CBR4: variants seen among roughly 807,000 people sequenced by gnomAD.
The protein encoded by CBR4 is carbonyl reductase 4, also known as 3-oxoacyl-[acyl-carrier-protein] reductase.
Under a neutral mutation model 21.0 loss-of-function variants are expected in CBR4, and 22 were observed. The observed-to-expected ratio is 1.05, with a 90% confidence interval of 0.75 to 1.50. The LOEUF (loss-of-function observed/expected upper bound fraction) is 1.50. CBR4 is among the 40% of genes most tolerant of loss of function. CBR4 has a pLI of 0.00. For synonymous variants in CBR4, 100 were observed against 104.4 expected, an observed-to-expected ratio of 0.96 and a Z score of 0.26; for missense variants, 302 against 286.3, an observed-to-expected ratio of 1.05 and a Z score of -0.40.
rs1163299175 is a variant in CBR4, at chr4:168,988,033, A to C, written c.*2117T>G. ...CAGCTACAGATGAGTCTTCTTGTTA[A>C]GAATTCATTCAATGCTTCTCAGAAT... On this transcript the variant is annotated 3_prime_UTR_variant, in exon 5 of 5. Transcript: ENST00000306193. 2.0e-6 allele frequency: 2 copies of C among 985,308 alleles called. No homozygotes were observed. The highest frequency in any genetic ancestry group is 2.4e-6 in the Non-Finnish European group (2 of 829,878). 61.0% of individuals were successfully genotyped at this position (985,308 alleles called of 1,614,324 possible).
chr4:168,971,890 G>A (rs12639657), intron 2 of CBR4, among the ~76,000 whole-genome samples: 105,341 of 151,484 alleles, frequency 0.7, 38,014 homozygotes, highest in East Asian at 0.96. Flanking sequence ...AGTTTTTCCA[G>A]TGTTATCTTC....
intron 2 of CBR4, chr4:168,924,215 T>G (rs1762142127): frequency 6.4e-7 from 1 of 1,572,182 alleles, no homozygotes; most frequent in East Asian, 2.2e-5. Context: ...GTGCTCCTTT[T>G]GTATATCATT....
chr4:168,914,411 TG>T (rs1020184774), intron 2 of CBR4, among the ~76,000 whole-genome samples: 1 of 152,210 alleles, frequency 6.6e-6, no homozygotes, highest in Non-Finnish European at 1.5e-5. Context: ...CTATTACCAC[TG>T]GGTTTCTTAA....
Position 169,010,123 on chromosome 4 carries a change from G to A in CBR4, c.-34C>T, listed in dbSNP as rs2279038. On this transcript the variant is annotated 5_prime_UTR_variant, in exon 1 of 5. Coordinates refer to ENST00000306193, the MANE Select transcript of CBR4 (RefSeq NM_032783.5). The stretch of plus-strand genomic sequence containing the variant: ...CACAAACTCGGAGGAAAGAGGGTAG[G>A]GAGTGGGAGCCCCTCTCCAGGTTCC... 0.63 allele frequency: 992,829 copies of A among 1,570,892 alleles called. 323,088 individuals carry two copies. Among genetic ancestry groups the A allele is most frequent in the East Asian group, 0.87 (36,371 of 41,580 alleles).
chr4:168,897,870 T>G (rs1337617309), intron 2 of CBR4: 1 of 152,142 alleles, frequency 6.6e-6, no homozygotes, highest in East Asian at 1.9e-4. Flanking sequence ...GTCCTATTTT[T>G]TCTTCTAAAG....
chr4:169,007,827 G>T, intron 1 of CBR4, 71 bp from the exon 2 acceptor site: 2 of 1,155,216 alleles, frequency 1.7e-6, no homozygotes, highest in Non-Finnish European at 2.4e-6. Context: ...CATTTGTTAA[G>T]CATCTATCTA....
At chr4:168,959,491 T>C (rs1305389156) in intron 2 of CBR4, among the ~76,000 whole-genome samples, 1 of 152,108 alleles carries the variant, frequency 6.6e-6, no homozygotes, top group Non-Finnish European at 1.5e-5. Flanking sequence ...TTGTTCACCT[T>C]TTATAAAACT....
In CBR4 at chr4:168,989,961, CAAAAA is replaced by C; in HGVS notation, c.*184_*188del. ...AAAACAACACTGATGTAACTTAGAC[CAAAAA>C]AAAAAAAACCACAATTTGTCACACA... On this transcript the variant is annotated 3_prime_UTR_variant, in exon 5 of 5. Transcript: ENST00000306193. 4 of 1,023,758 alleles carry C rather than the reference CAAAAA, an allele frequency of 3.9e-6. No homozygotes were observed. Among genetic ancestry groups the C allele is most frequent in the Non-Finnish European group, 4.9e-6 (4 of 817,474 alleles). 63.4% of individuals were successfully genotyped at this position (1,023,758 alleles called of 1,614,324 possible).
intron 2 of CBR4, among the ~76,000 whole-genome samples, chr4:168,970,827 G>A (rs1441792836): frequency 8.3e-6 from 1 of 120,054 alleles, no homozygotes; most frequent in Non-Finnish European, 1.8e-5. Context: ...CTGAGTAGTA[G>A]TCCATGATAT....
intron 2 of CBR4, among the ~76,000 whole-genome samples, chr4:168,934,501 G>T (rs1433329528): frequency 6.6e-6 from 1 of 151,896 alleles, no homozygotes; most frequent in East Asian, 1.9e-4. Flanking sequence ...AAAAGGAGCT[G>T]TCACAACTGA....
intron 2 of CBR4, among the ~76,000 whole-genome samples, chr4:168,956,314 A>G (rs187410647): frequency 6.6e-6 from 1 of 152,206 alleles, no homozygotes; most frequent in Non-Finnish European, 1.5e-5. Flanking sequence ...TATCAAGAGT[A>G]AGGGAAATAG....
At chr4:168,954,273 T>G (rs751582458) in intron 2 of CBR4, among the ~76,000 whole-genome samples, 1 of 152,240 alleles carries the variant, frequency 6.6e-6, no homozygotes, top group Non-Finnish European at 1.5e-5. Flanking sequence ...TTCAAAATTC[T>G]GAGGAAAATG....
chr4:169,007,753 T>A lies in CBR4; in HGVS notation c.146A>T (p.Asp49Val). Residue 49 changes from aspartate to valine, a missense_variant, in exon 2 of 5, where the codon GAT (aspartate) becomes GTT (valine). Physicochemically the swap from Asp to Val is radical, Grantham distance 152. Coordinates refer to ENST00000306193, the MANE Select transcript of CBR4 (RefSeq NM_032783.5). Reference protein sequence around the residue: ...AKAAAGDLGGDHLAFSCDVAK... With the variant: ...AKAAAGDLGGVHLAFSCDVAK... ...AACATCACAGCTAAATGCCAAATGA[T>A]CTCCTACACAACAAAGTTAAATAAG... 2.5e-6 allele frequency: 4 copies of A among 1,573,648 alleles called. No individual in the cohort carries two copies. Among genetic ancestry groups the A allele is most frequent in the Middle Eastern group, 1.7e-4 (1 of 5,988 alleles).
intron 2 of CBR4, among the ~76,000 whole-genome samples, chr4:168,967,594 G>C (rs1764081500): frequency 6.6e-6 from 1 of 152,120 alleles, no homozygotes. Flanking sequence ...CTAGGAAACA[G>C]GTCATTGAAA....
chr4:168,950,975 G>A (rs561201900), intron 2 of CBR4, among the ~76,000 whole-genome samples: 22 of 152,156 alleles, frequency 1.4e-4, no homozygotes, highest in African/African-American at 1.9e-4. Flanking sequence ...AAGTTTGTGC[G>A]AGTCCTTATG....
At position 168,989,203 on chromosome 4, in the gene CBR4, T is replaced by C. The variant is rs1430235896; in HGVS notation, c.*947A>G. 4 of 970,042 alleles carry C rather than the reference T, an allele frequency of 4.1e-6. No homozygotes were observed. Among genetic ancestry groups the C allele is most frequent in the Non-Finnish European group, 4.9e-6 (4 of 816,012 alleles). 60.1% of individuals were successfully genotyped at this position (970,042 alleles called of 1,614,324 possible). A position where few individuals can be genotyped will look rare whatever the true frequency, so the allele number is the denominator to read the frequency against. On this transcript the variant is annotated 3_prime_UTR_variant, in exon 5 of 5. Transcript: ENST00000306193. The stretch of plus-strand genomic sequence containing the variant: ...AAGAATCATAATCACTAATGCAAAA[T>C]ACTCTTAATTTTTTAAATGTTGTAT...
intron 2 of CBR4, among the ~76,000 whole-genome samples, chr4:168,954,894 A>G (rs1260275657): frequency 6.6e-6 from 1 of 152,228 alleles, no homozygotes; most frequent in African/African-American, 2.4e-5. Context: ...CAAGATAAGA[A>G]AATGATAAAT....
intron 4 of CBR4, among the ~76,000 whole-genome samples, chr4:169,000,726 T>C (rs949771043): frequency 7.2e-5 from 11 of 152,204 alleles, no homozygotes; most frequent in African/African-American, 2.4e-4. Context: ...ACCAAGTAAA[T>C]ACCTAATCAA....
At chr4:169,001,289 C>G (rs905850019) in intron 4 of CBR4, 7 of 151,934 alleles carry the variant, frequency 4.6e-5, no homozygotes, top group African/African-American at 1.5e-4. Flanking sequence ...TTTTAAGCTC[C>G]CATTAGGTGG....
Sources: allele counts gnomAD v4.1 joint callset (sites outside exome capture counted in the v4.1 genomes callset), GRCh38; gene constraint gnomAD v4.1.1; transcripts MANE v1.5; gene names NCBI Gene and HGNC (gene_info 2026-07-23, HGNC 2026-07-21).